Variants in SCAF8 observed in about 807,000 individuals in gnomAD.
SCAF8 encodes SR-related and CTD-associated factor 8.
Under a neutral mutation model 140.5 loss-of-function variants are expected in SCAF8, and 23 were observed. That is an observed-to-expected ratio of 0.16 (90% CI 0.12 to 0.23). SCAF8 has a LOEUF of 0.23. Ranked by LOEUF, SCAF8 falls within the 10% of genes least tolerant of loss-of-function variation. The pLI, the probability that SCAF8 is intolerant of heterozygous loss-of-function variation, is 1.00. For synonymous variants in SCAF8, 575 were observed against 528.9 expected, an observed-to-expected ratio of 1.09 and a Z score of -1.20; for missense variants, 1,397 against 1,555.7, an observed-to-expected ratio of 0.90 and a Z score of 1.72.
intron 3 of SCAF8, among the ~76,000 whole-genome samples, chr6:154,784,159 T>TATATATATATA (rs1777182455): frequency 1.4e-4 from 13 of 95,564 alleles, no homozygotes; most frequent in East Asian, 3.9e-4. Flanking sequence ...ATATATATAT[T>TATATATATATA]TATTTATTTA....
intron 4 of SCAF8, among the ~76,000 whole-genome samples, chr6:154,790,562 G>C (rs908353043): frequency 8.4e-6 from 1 of 119,592 alleles, no homozygotes; most frequent in Non-Finnish European, 1.6e-5. Flanking sequence ...CCAGGCTGGA[G>C]TGCAGTGGTG....
rs1343579901 is a variant in SCAF8, at chr6:154,818,602, G to A, written c.1635+10G>A. The A allele has an allele frequency of 6.9e-7, 1 of 1,449,958 alleles. No individual in the cohort carries two copies. Among genetic ancestry groups the A allele is most frequent in the Admixed American group, 1.8e-5 (1 of 55,462 alleles). 89.8% of individuals were successfully genotyped at this position (1,449,958 alleles called of 1,614,324 possible). On this transcript the variant is annotated intron_variant, in intron 14 of 19. Transcript: ENST00000367178. ...GTCCAAGGTCATTAAGGTGAGATTT[G>A]GTGGATTGGAACTTGGGGTAGGGGG...
chr6:154,814,452 G>T (rs1246356455), intron 12 of SCAF8, among the ~76,000 whole-genome samples: 1 of 152,170 alleles, frequency 6.6e-6, no homozygotes, highest in Admixed American at 6.5e-5. Flanking sequence ...CAGGGACTCT[G>T]TGTTAGCTAA....
At chr6:154,811,044 A>G (rs998033695) in intron 12 of SCAF8, among the ~76,000 whole-genome samples, 1 of 152,204 alleles carries the variant, frequency 6.6e-6, no homozygotes, top group Non-Finnish European at 1.5e-5. Context: ...GGCAATAGCC[A>G]TCTTCTTACT....
At chr6:154,825,166 T>A (rs1313027902) in intron 17 of SCAF8, 1 of 152,150 alleles carries the variant, frequency 6.6e-6, no homozygotes, top group East Asian at 1.9e-4. Flanking sequence ...TAATAAATTA[T>A]TTTTATTCTT....
At chr6:154,814,973 C>G (rs1562460622) in intron 12 of SCAF8, among the ~76,000 whole-genome samples, 1 of 152,130 alleles carries the variant, frequency 6.6e-6, no homozygotes, top group Non-Finnish European at 1.5e-5. Flanking sequence ...GAGACACATT[C>G]ACTTAATCCT....
chr6:154,787,795 A>AT, intron 3 of SCAF8, 66 bp from the exon 4 acceptor site: 6 of 1,362,074 alleles, frequency 4.4e-6, no homozygotes, highest in Admixed American at 3.9e-5. Context: ...ATTTTTGATG[A>AT]TTTTTGTCTA....
chr6:154,750,463 C>T (rs1039600573), intron 1 of SCAF8, among the ~76,000 whole-genome samples: 1 of 152,148 alleles, frequency 6.6e-6, no homozygotes, highest in Non-Finnish European at 1.5e-5. Context: ...TCCCTCCCTC[C>T]CTTTCCCCCA....
At chr6:154,781,252 G>A (rs545892164) in intron 3 of SCAF8, among the ~76,000 whole-genome samples, 2 of 152,190 alleles carry the variant, frequency 1.3e-5, no homozygotes, top group Admixed American at 6.5e-5. Context: ...GCTACAAAGA[G>A]AATAAAATAC....
intron 6 of SCAF8, among the ~76,000 whole-genome samples, chr6:154,795,743 C>T (rs1051014359): frequency 6.6e-6 from 1 of 152,148 alleles, no homozygotes; most frequent in African/African-American, 2.4e-5. Flanking sequence ...GTGGCTAGAA[C>T]TTCAGGAATA....
intron 5 of SCAF8, 43 bp downstream of exon 5, chr6:154,793,019 C>T (rs1321777434): frequency 2.7e-6 from 4 of 1,478,122 alleles, no homozygotes; most frequent in Non-Finnish European, 3.6e-6. Flanking sequence ...ATATTCTACT[C>T]ATACTTTTTG....
rs746236872 is a variant in SCAF8, at chr6:154,832,896, T to G, written c.3317T>G (p.Val1106Gly). ...RGDFDEREHR[V>G]LPVYGGPKGL... Reference sequence around the variant, plus strand: ...GATTTTGATGAGAGAGAGCATCGGGTTCTACCGGTCTATGGTGGTCCAAAA... The same window carrying G: ...GATTTTGATGAGAGAGAGCATCGGGGTCTACCGGTCTATGGTGGTCCAAAA... Residue 1106 changes from valine (V) to glycine (G), a missense_variant, in exon 20 of 20, where the codon GTT (valine) becomes GGT (glycine). By Grantham distance (109) the Val-to-Gly change is moderately radical. Around this residue, in one of 5 missense-constraint regions of SCAF8, gnomAD observed 930 missense variants for 874.6 expected, o/e 1.06. Transcript: ENST00000367178. 6 of 1,614,072 alleles carry G rather than the reference T, an allele frequency of 3.7e-6. No individual in the cohort carries two copies. The Admixed American group carries it at 1.0e-4, about 27-fold the overall frequency.
chr6:154,791,612 T>G (rs1407615472), intron 4 of SCAF8, among the ~76,000 whole-genome samples: 2 of 150,046 alleles, frequency 1.3e-5, no homozygotes, highest in African/African-American at 4.9e-5. Context: ...CTGTCTTATT[T>G]TATAAATGAG....
chr6:154,820,297 G>A lies in SCAF8; in HGVS notation c.1756G>A (p.Glu586Lys). 6.2e-7 allele frequency: 1 copy of A among 1,611,728 alleles called. No individual in the cohort carries two copies. Among genetic ancestry groups the A allele is most frequent in the Non-Finnish European group, 8.5e-7 (1 of 1,179,326 alleles). The change falls in exon 15 of 20, where the codon GAA becomes AAA. Residue 586 changes from glutamate (E) to lysine (K), a missense_variant. Physicochemically the swap from Glu to Lys is moderately conservative, Grantham distance 56. Coordinates refer to ENST00000367178, the MANE Select transcript of SCAF8 (RefSeq NM_014892.5). ...VKVDDLEGFAEGGMIDQETVN... is the reference protein window; with the variant it reads ...VKVDDLEGFAKGGMIDQETVN... Reference sequence around the variant, plus strand: ...AGTGGATGACTTGGAAGGTTTTGCAGAAGGAGGCATGATTGATCAGGAGAC... The same window carrying A: ...AGTGGATGACTTGGAAGGTTTTGCAAAAGGAGGCATGATTGATCAGGAGAC...
chr6:154,773,259 A>G (rs1776823266), intron 1 of SCAF8, among the ~76,000 whole-genome samples: 1 of 152,146 alleles, frequency 6.6e-6, no homozygotes, highest in South Asian at 2.1e-4. Context: ...GACAACCACC[A>G]ATAGATTTGC....
At position 154,748,525 on chromosome 6, in the gene SCAF8, G is replaced by T. The variant is rs372082417; in HGVS notation, c.30+14595G>T. On this transcript the variant is annotated intron_variant, in intron 1 of 19. Coordinates refer to ENST00000367178, the MANE Select transcript of SCAF8 (RefSeq NM_014892.5). Reference sequence around the variant, plus strand: ...AATTGTCGAGATGAATTTTTACCATGTTACTTTTTTTTTTGCTGAAATGAC... The same window carrying T: ...AATTGTCGAGATGAATTTTTACCATTTTACTTTTTTTTTTGCTGAAATGAC... Among the ~76,000 whole-genome samples the T allele has an allele frequency of 5.1e-3, 776 of 151,880 alleles. 2 individuals are homozygous for T. The highest frequency in any genetic ancestry group is 0.016 in the African/African-American group (682 of 41,412).
At chr6:154,815,960 T>C (rs1420967135) in intron 13 of SCAF8, 144 bp downstream of exon 13, 1 of 495,198 alleles carries the variant, frequency 2.0e-6, no homozygotes, top group East Asian at 3.3e-5. Flanking sequence ...TTTGATAATG[T>C]CTGTGTTTAT....
intron 1 of SCAF8, among the ~76,000 whole-genome samples, chr6:154,758,566 CT>C (rs1562430654): frequency 6.6e-6 from 1 of 152,280 alleles, no homozygotes; most frequent in Admixed American, 6.5e-5. Context: ...ATCCTCTTCT[CT>C]TTCTCTTTCT....
rs565160950 is a variant in SCAF8 at position 154,829,232 on chromosome 6, A to ATT, written c.2141-1675_2141-1674dup. ...AGATGTGGTGCCAGTTTCATAAGTG[A>ATT]TTTTTTTTTTTTTTTTACATTTTTA... is the stretch of plus-strand genomic sequence containing the variant. On this transcript the variant is annotated intron_variant, in intron 18 of 19. Coordinates refer to ENST00000367178, the MANE Select transcript of SCAF8 (RefSeq NM_014892.5). Among the ~76,000 whole-genome samples the ATT allele has an allele frequency of 7.2e-3, 1,031 of 142,472 alleles. 7 individuals are homozygous for ATT. Among genetic ancestry groups the ATT allele is most frequent in the African/African-American group, 0.012 (474 of 38,238 alleles). 93.5% of individuals were successfully genotyped at this position (142,472 alleles called of 152,430 possible). A position where few individuals can be genotyped will look rare whatever the true frequency, so the allele number is the denominator to read the frequency against.
Sources: gnomAD v4.1 joint callset for allele counts (sites outside exome capture counted in the v4.1 genomes callset) on GRCh38, gnomAD v4.1.1 for gene constraint, gnomAD v4.1.1 regional missense constraint, MANE v1.5 for transcripts, NCBI Gene and HGNC (gene_info 2026-07-23, HGNC 2026-07-21) for gene names.